The following SH3PXD2A variants were observed in gnomAD, a reference collection of about 807,000 sequenced individuals.
The protein encoded by SH3PXD2A is SH3 and PX domain-containing protein 2A.
In SH3PXD2A, 32 loss-of-function variants were observed where a neutral mutation model predicts 115.2. The observed-to-expected ratio is 0.28, with a 90% CI of 0.21 to 0.37. The LOEUF is 0.37. Among genes scored for constraint, SH3PXD2A ranks in the 10% least tolerant of loss-of-function variants. SH3PXD2A has a pLI of 1.00. For synonymous variants in SH3PXD2A, 610 were observed against 629.1 expected (o/e 0.97, Z 0.45); for missense variants, 1,328 against 1,498.7 (o/e 0.89, Z 1.88).
intron 1 of SH3PXD2A, among the ~76,000 whole-genome samples, chr10:103,852,317 C>A (rs897140121): frequency 4.6e-5 from 7 of 152,282 alleles, no homozygotes; most frequent in Non-Finnish European, 1.5e-5. Context: ...GCAGCTCCCC[C>A]TCCCCGTGGG....
chr10:103,710,999 G>A (rs1348567305), intron 5 of SH3PXD2A, among the ~76,000 whole-genome samples: 1 of 152,178 alleles, frequency 6.6e-6, no homozygotes, highest in Non-Finnish European at 1.5e-5. Context: ...TGGTGCCACT[G>A]CACTCCAGGA....
At chr10:103,690,279 A>G (rs1485639773) in intron 6 of SH3PXD2A, among the ~76,000 whole-genome samples, 1 of 152,252 alleles carries the variant, frequency 6.6e-6, no homozygotes, top group Non-Finnish European at 1.5e-5. Context: ...AAACATGCTT[A>G]CATATATTAG....
chr10:103,730,843 A>C (rs1192409625), intron 4 of SH3PXD2A, among the ~76,000 whole-genome samples: 2 of 152,130 alleles, frequency 1.3e-5, no homozygotes, highest in African/African-American at 4.8e-5. Context: ...GGAGAAATGC[A>C]CAGAGTCGGG....
chr10:103,613,257 AGGAT>A (rs2036456166), intron 11 of SH3PXD2A, 67 bp from the exon 12 acceptor site: 1 of 1,289,520 alleles, frequency 7.8e-7, no homozygotes, highest in Admixed American at 2.3e-5. Context: ...CCCAGGCCCT[AGGAT>A]CCATCTGGCC....
Position 103,665,218 on chromosome 10 carries a change from G to C in SH3PXD2A, c.472+3390C>G, listed in dbSNP as rs1276835505. Among the ~76,000 whole-genome samples the C allele has an allele frequency of 6.6e-6, 1 of 152,192 alleles. No individual in the cohort carries two copies. Among genetic ancestry groups the C allele is most frequent in the Non-Finnish European group, 1.5e-5 (1 of 68,032 alleles). On this transcript the variant is annotated intron_variant, in intron 7 of 14. Transcript: ENST00000369774. This position sits in a 1 kb window ranked among gnomAD's most constrained non-coding sequence, Gnocchi z 4.0. The stretch of plus-strand genomic sequence containing the variant: ...GATGGGGAAACTGAGGTAAGGAGGA[G>C]AAAGAAGCCCCAGCTTTGTGGCCAG...
chr10:103,647,052 CA>C, intron 8 of SH3PXD2A, among the ~76,000 whole-genome samples: 1 of 152,042 alleles, frequency 6.6e-6, no homozygotes, highest in South Asian at 2.1e-4. Context: ...TAATAGTAGT[CA>C]GGGGTGGGGG....
chr10:103,711,947 G>A (rs1197930743), intron 5 of SH3PXD2A, among the ~76,000 whole-genome samples: 1 of 152,014 alleles, frequency 6.6e-6, no homozygotes, highest in Non-Finnish European at 1.5e-5. Context: ...TGCAGTCCCA[G>A]CTACTTGGGG....
intron 1 of SH3PXD2A, among the ~76,000 whole-genome samples, chr10:103,802,581 A>C (rs1231517571): frequency 2.0e-5 from 3 of 152,238 alleles, no homozygotes; most frequent in Non-Finnish European, 4.4e-5. Context: ...TTCCTGGGAA[A>C]GGCCTGAGTT....
intron 4 of SH3PXD2A, among the ~76,000 whole-genome samples, chr10:103,731,606 C>T (rs1478162979): frequency 6.6e-6 from 1 of 152,206 alleles, no homozygotes; most frequent in Non-Finnish European, 1.5e-5. Context: ...ACTCAGGAGG[C>T]ACCTCATGAA....
At chr10:103,791,233 C>T (rs1045414985) in intron 2 of SH3PXD2A, among the ~76,000 whole-genome samples, 7 of 152,172 alleles carry the variant, frequency 4.6e-5, no homozygotes, top group South Asian at 4.1e-4. Context: ...CAGCAAAGGG[C>T]GGAGATGGCT....
intron 7 of SH3PXD2A, among the ~76,000 whole-genome samples, chr10:103,662,343 G>GGC (rs1554908100): frequency 4.4e-5 from 4 of 90,854 alleles, no homozygotes; most frequent in Non-Finnish European, 8.6e-5. Context: ...ATTATTGGCG[G>GGC]GGGGGGGGGC....
At chr10:103,702,596 C>CGTGTGTGGTGTGT (rs1554913266) in intron 5 of SH3PXD2A, among the ~76,000 whole-genome samples, 1 of 147,448 alleles carries the variant, frequency 6.8e-6, no homozygotes, top group Non-Finnish European at 1.5e-5. Flanking sequence ...TGTGTGTGTG[C>CGTGTGTGGTGTGT]GTGTGTGTGT....
intron 1 of SH3PXD2A, among the ~76,000 whole-genome samples, chr10:103,814,177 T>A (rs2039300327): frequency 6.6e-6 from 1 of 152,032 alleles, no homozygotes. Context: ...CAGCTCAAAG[T>A]GGGGAAAGCA....
chr10:103,782,827 CAAAA>C (rs1177829829), intron 2 of SH3PXD2A, among the ~76,000 whole-genome samples: 2 of 45,392 alleles, frequency 4.4e-5, no homozygotes. Flanking sequence ...TCCATCTCTC[CAAAA>C]AAAAAAAAAA....
chr10:103,700,973 AT>A (rs1307180410), intron 5 of SH3PXD2A, among the ~76,000 whole-genome samples: 77 of 140,916 alleles, frequency 5.5e-4, no homozygotes, highest in South Asian at 1.5e-3. Context: ...TCCATCCACC[AT>A]CCATCCATCC....
rs141204817 is a variant in SH3PXD2A, at chr10:103,603,798, C to G, written c.1429-9G>C. On this transcript the variant is annotated splice_polypyrimidine_tract_variant and intron_variant, in intron 14 of 14. Coordinates refer to ENST00000369774, the MANE Select transcript of SH3PXD2A (RefSeq NM_001394015.1). ...GAGTTCTTATCAATGACCTGGGGTACGAGTGCAGACAAGCCAGTGAGTTGG... is the reference window on the plus strand; with the variant it reads ...GAGTTCTTATCAATGACCTGGGGTAGGAGTGCAGACAAGCCAGTGAGTTGG... 13 of 1,578,280 alleles carry G rather than the reference C, an allele frequency of 8.2e-6. No individual in the cohort carries two copies. The highest frequency in any genetic ancestry group is 1.2e-5 in the South Asian group (1 of 86,790).
chr10:103,691,266 C>T (rs979512063), intron 6 of SH3PXD2A, among the ~76,000 whole-genome samples: 1 of 152,162 alleles, frequency 6.6e-6, no homozygotes, highest in Non-Finnish European at 1.5e-5. Context: ...AGTAGTTATT[C>T]GGTGCCAGGA....
intron 2 of SH3PXD2A, among the ~76,000 whole-genome samples, chr10:103,782,827 C>CAAAAA (rs1177829829): frequency 2.6e-4 from 12 of 45,372 alleles, no homozygotes; most frequent in African/African-American, 7.9e-4. Context: ...TCCATCTCTC[C>CAAAAA]AAAAAAAAAA....
chr10:103,752,935 CTG>C (rs1271133304), intron 3 of SH3PXD2A, among the ~76,000 whole-genome samples: 1 of 152,022 alleles, frequency 6.6e-6, no homozygotes, highest in Non-Finnish European at 1.5e-5. Flanking sequence ...TGAAAGGTGA[CTG>C]AGAAAATAAT....
Sources: allele counts gnomAD v4.1 joint callset (sites outside exome capture counted in the v4.1 genomes callset), GRCh38; gene constraint gnomAD v4.1.1; non-coding constraint Gnocchi (gnomAD v3.1); transcripts MANE v1.5; gene names NCBI Gene and HGNC (gene_info 2026-07-23, HGNC 2026-07-21).